The following EIF4H variants were observed in gnomAD, a reference collection of about 807,000 sequenced individuals.
EIF4H encodes the protein Williams-Beuren syndrome chromosome region 1.
A neutral mutation model predicts 30.6 loss-of-function variants in EIF4H; 8 were observed. The observed-to-expected ratio is 0.26, with a 90% confidence interval of 0.15 to 0.47. The LOEUF is 0.47. EIF4H is among the 20% of genes least tolerant of loss of function. The pLI is 0.99. For synonymous variants in EIF4H, 106 were observed against 122.7 expected, an observed-to-expected ratio of 0.86 and a Z score of 0.90; for missense variants, 188 against 339.5, an observed-to-expected ratio of 0.55 and a Z score of 3.51.
chr7:74,190,181 T>C, intron 4 of EIF4H, 66 bp from the exon 5 acceptor site: 1 of 1,520,074 alleles, frequency 6.6e-7, no homozygotes, highest in Non-Finnish European at 9.1e-7. Flanking sequence ...TCCAAATGAA[T>C]TTTTCCATGT....
At chr7:74,183,122 A>T (rs1801001681) in intron 1 of EIF4H, among the ~76,000 whole-genome samples, 2 of 152,230 alleles carry the variant, frequency 1.3e-5, no homozygotes, top group Non-Finnish European at 2.9e-5. Context: ...TGAGTAAGGA[A>T]AAGTGATTTG....
At chr7:74,195,146 A>T in intron 6 of EIF4H, 23 bp from the exon 7 acceptor site, 1 of 1,612,964 alleles carries the variant, frequency 6.2e-7, no homozygotes. Context: ...ACACTCTGAC[A>T]AACTCTGCTT....
chr7:74,194,115 G>A (rs1377727117), intron 5 of EIF4H, among the ~76,000 whole-genome samples: 1 of 152,238 alleles, frequency 6.6e-6, no homozygotes, highest in East Asian at 1.9e-4. Flanking sequence ...GCCCCCACAG[G>A]AGGCGCCGGT....
chr7:74,186,818 TTTTTTTTTTTTTTTTTTTTTTTG>T (rs1801093217), intron 1 of EIF4H, among the ~76,000 whole-genome samples: 2 of 89,242 alleles, frequency 2.2e-5, no homozygotes, highest in Non-Finnish European at 4.5e-5. Flanking sequence ...TTTTTTTTTT[TTTTTTTTTTTTTTTTTTTTTTTG>T]AGACGGAGTC....
At chr7:74,188,367 C>T (rs926241274) in intron 2 of EIF4H, among the ~76,000 whole-genome samples, 17 of 152,192 alleles carry the variant, frequency 1.1e-4, no homozygotes, top group Admixed American at 2.0e-4. Context: ...GCAGCATTCT[C>T]CTGCCTGCAG....
chr7:74,192,823 G>A (rs1202552543), intron 5 of EIF4H, among the ~76,000 whole-genome samples: 3 of 151,638 alleles, frequency 2.0e-5, no homozygotes, highest in East Asian at 1.9e-4. Context: ...GATTACAGGC[G>A]CACACCACCA....
At chr7:74,183,715 T>A (rs1584178170) in intron 1 of EIF4H, 1 of 152,214 alleles carries the variant, frequency 6.6e-6, no homozygotes, top group African/African-American at 2.4e-5. Context: ...TGTAAATGAA[T>A]CGGTGGGTAA....
intron 5 of EIF4H, 79 bp downstream of exon 5, chr7:74,190,385 C>A: frequency 7.3e-7 from 1 of 1,372,988 alleles, no homozygotes; most frequent in Non-Finnish European, 1.0e-6. Context: ...GAGTAGCCCG[C>A]CTGGCCGGAC....
At chr7:74,194,650 A>G (rs559107135) in intron 5 of EIF4H, 91 bp from the exon 6 acceptor site, 2 of 1,444,968 alleles carry the variant, frequency 1.4e-6, no homozygotes, top group South Asian at 1.7e-5. Context: ...AGAATTTAAA[A>G]TGAAACTCAA....
At chr7:74,174,758 T>TC (rs1800798765) in intron 1 of EIF4H, among the ~76,000 whole-genome samples, 1 of 152,168 alleles carries the variant, frequency 6.6e-6, no homozygotes, top group African/African-American at 2.4e-5. Flanking sequence ...TCCAGCCCCA[T>TC]CCCCCCTACG....
At chr7:74,184,973 G>A (rs1231020827) in intron 1 of EIF4H, among the ~76,000 whole-genome samples, 3 of 151,960 alleles carry the variant, frequency 2.0e-5, no homozygotes, top group African/African-American at 7.3e-5. Context: ...GAGCCACTGT[G>A]CCCCGCCTTT....
chr7:74,191,163 C>T (rs1554709871), intron 5 of EIF4H: 3 of 533,234 alleles, frequency 5.6e-6, no homozygotes, highest in South Asian at 4.2e-5. Flanking sequence ...CAGGTGACGA[C>T]TACCTGTTGA....
chr7:74,188,894 G>C (rs1554709513), intron 2 of EIF4H, among the ~76,000 whole-genome samples: 1 of 152,174 alleles, frequency 6.6e-6, no homozygotes, highest in African/African-American at 2.4e-5. Flanking sequence ...AGCCAAGGCA[G>C]TATGTTCTTA....
rs782220493 is a variant in EIF4H at position 74,195,336 on chromosome 7, G to C, written c.*28G>C. 2.5e-6 allele frequency: 4 copies of C among 1,606,238 alleles called. No individual in the cohort carries two copies. The highest frequency in any genetic ancestry group is 2.2e-5 in the East Asian group (1 of 44,784). Reference sequence around the variant, plus strand: ...CTGCGGTTGGGAGGGAATGGGGCGTGGGGGGTTAGAGCAGGACCACAGCCT... The same window carrying C: ...CTGCGGTTGGGAGGGAATGGGGCGTCGGGGGTTAGAGCAGGACCACAGCCT... On this transcript the variant is annotated 3_prime_UTR_variant, in exon 7 of 7. Transcript: ENST00000265753.
chr7:74,189,830 C>T lies in EIF4H; in HGVS notation c.321C>T (p.Gly107=). 4.3e-6 allele frequency: 7 copies of T among 1,614,020 alleles called. No individual in the cohort carries two copies. The highest frequency in any genetic ancestry group is 1.1e-5 in the South Asian group (1 of 91,060). ...EALTYDGALL[G]DRSLRVDIAE... is the part of the protein sequence containing the mutation. ...TTTCCCTTTATCATTAGCTGTTGGGCGATCGGTCACTTCGTGTGGACATTG... is the reference window on the plus strand; with the variant it reads ...TTTCCCTTTATCATTAGCTGTTGGGTGATCGGTCACTTCGTGTGGACATTG... Residue 107 remains glycine (G), a synonymous_variant, in exon 4 of 7, where the codon GGC becomes GGT. Coordinates refer to ENST00000265753, the MANE Select transcript of EIF4H (RefSeq NM_022170.2).
At chr7:74,190,463 G>A (rs1337685804) in intron 5 of EIF4H, among the ~76,000 whole-genome samples, 157 bp downstream of exon 5, 2 of 151,674 alleles carry the variant, frequency 1.3e-5, no homozygotes, top group Non-Finnish European at 2.9e-5. Context: ...GTAAGCCTCT[G>A]TTAGAGCCTG....
intron 1 of EIF4H, among the ~76,000 whole-genome samples, chr7:74,183,142 G>A (rs1046013538): frequency 2.0e-5 from 3 of 152,192 alleles, no homozygotes; most frequent in Non-Finnish European, 4.4e-5. Context: ...GCCTGTCAAG[G>A]ATTTTAGTCA....
intron 1 of EIF4H, 90 bp from the exon 2 acceptor site, chr7:74,187,521 G>A (rs111675936): frequency 2.1e-5 from 28 of 1,311,112 alleles, no homozygotes; most frequent in African/African-American, 9.0e-5. Flanking sequence ...CACCTGGGGC[G>A]CTGGCGGCGT....
chr7:74,193,895 G>A (rs1417624645), intron 5 of EIF4H, among the ~76,000 whole-genome samples: 3 of 152,134 alleles, frequency 2.0e-5, no homozygotes, highest in Non-Finnish European at 4.4e-5. Context: ...GCGTGAACCA[G>A]TCTTTTTACC....
Sources: gnomAD v4.1 joint callset for allele counts (sites outside exome capture counted in the v4.1 genomes callset) on GRCh38, gnomAD v4.1.1 for gene constraint, MANE v1.5 for transcripts, NCBI Gene and HGNC (gene_info 2026-07-23, HGNC 2026-07-21) for gene names.